The following GOLM1 variants were observed in gnomAD, a reference collection of about 807,000 sequenced individuals.
The protein encoded by GOLM1 is golgi membrane protein 1.
A neutral mutation model predicts 50.5 loss-of-function variants in GOLM1; 31 were observed. The ratio of observed to expected loss-of-function variants is 0.61; its 90% CI spans 0.46 to 0.83. GOLM1 has a LOEUF of 0.83. GOLM1 is among the 40% of genes least tolerant of loss of function. The probability of loss-of-function intolerance (pLI) is 0.00; values close to 1 mark genes in which losing one functional copy is unlikely to be tolerated. For synonymous variants in GOLM1, 178 were observed against 192.8 expected, an observed-to-expected ratio of 0.92 and a Z score of 0.64; for missense variants, 491 against 501.3, an observed-to-expected ratio of 0.98 and a Z score of 0.20.
intron 3 of GOLM1, 96 bp from the exon 4 acceptor site, chr9:86,052,687 C>T (rs1269231062): frequency 2.0e-6 from 2 of 992,826 alleles, no homozygotes; most frequent in Non-Finnish European, 3.2e-6. Flanking sequence ...TGTCCCCAAC[C>T]CAGCGCTGCT....
intron 5 of GOLM1, among the ~76,000 whole-genome samples, chr9:86,043,563 T>G (rs148725112): frequency 6.6e-6 from 1 of 152,298 alleles, no homozygotes; most frequent in African/African-American, 2.4e-5. Flanking sequence ...GGGCCTATAA[T>G]CCAAAGAAAG....
intron 1 of GOLM1, among the ~76,000 whole-genome samples, chr9:86,081,578 T>C (rs995435886): frequency 6.6e-6 from 1 of 151,766 alleles, no homozygotes; most frequent in Non-Finnish European, 1.5e-5. Flanking sequence ...AAGGAAAAAA[T>C]AGGAAACTAC....
intron 3 of GOLM1, among the ~76,000 whole-genome samples, chr9:86,058,474 C>T (rs1047734449): frequency 7.2e-5 from 11 of 151,920 alleles, no homozygotes; most frequent in Admixed American, 6.6e-4. Context: ...TTTGGGAGGC[C>T]GAGGCAGGTG....
At chr9:86,034,865 T>G (rs898272914) in intron 8 of GOLM1, 2 of 291,100 alleles carry the variant, frequency 6.9e-6, no homozygotes, top group African/African-American at 4.7e-5. Flanking sequence ...ACCCTTTATT[T>G]CTTTAAAAAG....
chr9:86,043,116 T>C (rs557106475), intron 5 of GOLM1, among the ~76,000 whole-genome samples: 274 of 152,290 alleles, frequency 1.8e-3, no homozygotes, highest in Non-Finnish European at 3.2e-3. Context: ...ACCATCACTG[T>C]ATTACTTTAT....
At chr9:86,097,465 T>TA (rs1835385686) in intron 1 of GOLM1, among the ~76,000 whole-genome samples, 1 of 152,178 alleles carries the variant, frequency 6.6e-6, no homozygotes, top group East Asian at 1.9e-4. Context: ...ATTTTTTTTT[T>TA]ATTTCAAGAA....
chr9:86,077,438 C>T lies in GOLM1; in HGVS notation c.283G>A (p.Val95Ile), dbSNP rs376948321. 2.4e-5 allele frequency: 38 copies of T among 1,613,972 alleles called. No individual in the cohort carries two copies. Among genetic ancestry groups the T allele is most frequent in the Middle Eastern group, 1.6e-4 (1 of 6,084 alleles). ...TTTTCGTCCTGGTACAGCTTGTTGA[C>T]GCTCTCCAGCTGGAAGTTGTGGCTG... ...QSSHNFQLES[V>I]NKLYQDEKAV... Residue 95 changes from valine (V) to isoleucine (I), a missense_variant, in exon 3 of 10, where the codon GTC becomes ATC. By Grantham distance (29) the Val-to-Ile change is conservative. Coordinates refer to ENST00000388712, the MANE Select transcript of GOLM1 (RefSeq NM_016548.4).
At chr9:86,031,449 GTTTTTTTTTTT>G (rs774806772) in intron 9 of GOLM1, among the ~76,000 whole-genome samples, 1 of 79,498 alleles carries the variant, frequency 1.3e-5, no homozygotes, top group Non-Finnish European at 2.4e-5. Context: ...TACCACTGAG[GTTTTTTTTTTT>G]TTTTTTTTTT....
At chr9:86,056,652 C>T (rs1210435128) in intron 3 of GOLM1, among the ~76,000 whole-genome samples, 1 of 151,662 alleles carries the variant, frequency 6.6e-6, no homozygotes, top group South Asian at 2.1e-4. Context: ...ACTACAGGCG[C>T]CCGCCACCAC....
chr9:86,035,288 T>G (rs1833097230), intron 8 of GOLM1, 80 bp downstream of exon 8: 2 of 1,555,220 alleles, frequency 1.3e-6, no homozygotes, highest in Non-Finnish European at 1.7e-6. Flanking sequence ...GGTGATATGT[T>G]GGTGCTGGGA....
At chr9:86,092,191 G>A (rs188715705) in intron 1 of GOLM1, among the ~76,000 whole-genome samples, 16 of 152,338 alleles carry the variant, frequency 1.1e-4, no homozygotes, top group Admixed American at 2.6e-4. Flanking sequence ...AGTGAGAAGC[G>A]CTTAGAGCTA....
At chr9:86,096,974 T>G (rs1835371523) in intron 1 of GOLM1, among the ~76,000 whole-genome samples, 1 of 152,068 alleles carries the variant, frequency 6.6e-6, no homozygotes, top group Non-Finnish European at 1.5e-5. Context: ...GCACTAATCT[T>G]CAAAATCTTA....
intron 1 of GOLM1, among the ~76,000 whole-genome samples, chr9:86,091,072 C>T (rs1396301068): frequency 1.3e-5 from 2 of 152,164 alleles, no homozygotes; most frequent in African/African-American, 4.8e-5. Context: ...TCTGCTCACC[C>T]TCTGTGGGCT....
chr9:86,053,397 T>TA (rs1833842534), intron 3 of GOLM1, among the ~76,000 whole-genome samples: 1 of 4,068 alleles, frequency 2.5e-4, no homozygotes, highest in Non-Finnish European at 5.4e-4. Flanking sequence ...CACACATCAG[T>TA]CCACACCACA....
intron 1 of GOLM1, among the ~76,000 whole-genome samples, chr9:86,095,692 C>A (rs750241572): frequency 6.6e-6 from 1 of 152,194 alleles, no homozygotes; most frequent in Non-Finnish European, 1.5e-5. Flanking sequence ...AAGAGCCCAG[C>A]AGGGCTGAAA....
At chr9:86,073,030 G>A (rs1274973963) in intron 3 of GOLM1, among the ~76,000 whole-genome samples, 1 of 152,206 alleles carries the variant, frequency 6.6e-6, no homozygotes, top group Non-Finnish European at 1.5e-5. Context: ...TGTGGCGCAT[G>A]ACTGCATACA....
chr9:86,077,275 G>C, intron 3 of GOLM1, 137 bp downstream of exon 3: 2 of 715,814 alleles, frequency 2.8e-6, no homozygotes, highest in Non-Finnish European at 2.4e-6. Context: ...AATGCCCAAA[G>C]CTTGATCAAT....
In GOLM1 at chr9:86,026,244, A is replaced by G. The variant is rs770112919; in HGVS notation, c.*1573T>C. The G allele has an allele frequency of 1.5e-4, 143 of 982,220 alleles. No individual in the cohort carries two copies. Among genetic ancestry groups the G allele is most frequent in the Non-Finnish European group, 1.2e-4 (100 of 829,324 alleles). 60.8% of individuals were successfully genotyped at this position (982,220 alleles called of 1,614,324 possible). On this transcript the variant is annotated 3_prime_UTR_variant, in exon 10 of 10. Transcript: ENST00000388712. ...ATTGAGAAAGCAAGAGAAAATTCCT[A>G]TCAACCCCAAGGAGGACTCAAAGTG...
chr9:86,039,115 CAATT>C (rs922877663), intron 6 of GOLM1, among the ~76,000 whole-genome samples: 8 of 152,032 alleles, frequency 5.3e-5, no homozygotes, highest in East Asian at 3.9e-4. Flanking sequence ...AAAAATAACT[CAATT>C]AAAAAATGAG....
Sources: allele counts gnomAD v4.1 joint callset (sites outside exome capture counted in the v4.1 genomes callset), GRCh38; gene constraint gnomAD v4.1.1; transcripts MANE v1.5; gene names NCBI Gene and HGNC (gene_info 2026-07-23, HGNC 2026-07-21).